SORCS1: variants seen among roughly 807,000 people sequenced by gnomAD.
SORCS1 encodes VPS10 domain-containing receptor SorCS1.
Under a neutral mutation model 146.1 loss-of-function variants are expected in SORCS1, and 60 were observed. The observed-to-expected ratio is 0.41, with a 90% CI of 0.33 to 0.51. The LOEUF is 0.51. SORCS1 is among the 20% of genes least tolerant of loss of function. The pLI is 0.21. For missense variants in SORCS1, 1,352 were observed against 1,487.6 expected (o/e 0.91, Z 1.50); for synonymous variants, 637 against 584.0 (o/e 1.09, Z -1.31).
chr10:106,964,473 TTTTATTTTA>T, intron 1 of SORCS1, among the ~76,000 whole-genome samples: 1 of 15,762 alleles, frequency 6.3e-5, no homozygotes, highest in South Asian at 1.4e-3. Context: ...CTGGCTAATA[TTTTATTTTA>T]TTTTATTTTA....
At chr10:106,774,845 C>A (rs952328968) in intron 4 of SORCS1, among the ~76,000 whole-genome samples, 69 of 152,308 alleles carry the variant, frequency 4.5e-4, no homozygotes, top group African/African-American at 1.6e-3. Context: ...CTGTATCATG[C>A]ATGGCACTTA....
chr10:106,655,400 A>T (rs1194503395), intron 17 of SORCS1, among the ~76,000 whole-genome samples: 1 of 152,030 alleles, frequency 6.6e-6, no homozygotes, highest in African/African-American at 2.4e-5. Context: ...GAGGCAAGGC[A>T]CTGTGCAAAC....
chr10:106,670,882 C>T (rs533397160), intron 16 of SORCS1, among the ~76,000 whole-genome samples: 55 of 151,878 alleles, frequency 3.6e-4, no homozygotes, highest in South Asian at 1.2e-3. Context: ...TTAGTAGGGA[C>T]GGGGTTTTAC....
At chr10:106,784,930 T>G (rs2136450877) in intron 3 of SORCS1, among the ~76,000 whole-genome samples, 1 of 152,290 alleles carries the variant, frequency 6.6e-6, no homozygotes, top group African/African-American at 2.4e-5. Context: ...AAGTGTCAAG[T>G]TGAAAGTCAG....
At chr10:106,579,608 T>C in intron 24 of SORCS1, 134 bp from the exon 25 acceptor site, 3 of 852,236 alleles carry the variant, frequency 3.5e-6, no homozygotes, top group Middle Eastern at 3.5e-4. Flanking sequence ...ACAAGATGCA[T>C]GTCACATGGC....
intron 2 of SORCS1, among the ~76,000 whole-genome samples, chr10:106,925,981 T>C (rs1217515269): frequency 6.6e-6 from 1 of 152,198 alleles, no homozygotes; most frequent in Non-Finnish European, 1.5e-5. Flanking sequence ...AGAAATTTGA[T>C]ATTTAAACAA....
At chr10:106,760,741 A>G (rs1052049694) in intron 5 of SORCS1, among the ~76,000 whole-genome samples, 13 of 151,568 alleles carry the variant, frequency 8.6e-5, no homozygotes, top group Admixed American at 3.9e-4. Context: ...ACACACGCAC[A>G]TTTGGCAATT....
At chr10:107,002,452 GGCCATTAGAT>G in intron 1 of SORCS1, among the ~76,000 whole-genome samples, 1 of 152,022 alleles carries the variant, frequency 6.6e-6, no homozygotes, top group Admixed American at 6.6e-5. Context: ...CACTCTTTTG[GGCCATTAGAT>G]GCCTTGTCTC....
At chr10:107,093,158 T>A (rs1159323943) in intron 1 of SORCS1, among the ~76,000 whole-genome samples, 1 of 152,192 alleles carries the variant, frequency 6.6e-6, no homozygotes, top group Non-Finnish European at 1.5e-5. Context: ...AGCCATGATT[T>A]TTTTTAACCA....
At position 106,768,356 on chromosome 10, in the gene SORCS1, G is replaced by A. The variant is rs546394126; in HGVS notation, c.886-6695C>T. Among the ~76,000 whole-genome samples, 7 of 152,304 alleles carry A rather than the reference G, an allele frequency of 4.6e-5. No individual in the cohort carries two copies. In the East Asian group the frequency reaches 1.2e-3, roughly 25 times the overall value. On this transcript the variant is annotated intron_variant, in intron 4 of 25. Coordinates refer to ENST00000263054, the MANE Select transcript of SORCS1 (RefSeq NM_052918.5). ...ACTGAGTGCCTTTTAACTTAATGCA[G>A]TGCCTTGGGGAAACATGATGGCATT...
At position 106,676,626 on chromosome 10, in the gene SORCS1, C is replaced by A. The variant is rs7100215; in HGVS notation, c.1832+687G>T. ...GCAATTTCTCTCTCATGGAGTAAAACTCTCCCTCTCTCTCTCTCTGTCTGT... is the reference window on the plus strand; with the variant it reads ...GCAATTTCTCTCTCATGGAGTAAAAATCTCCCTCTCTCTCTCTCTGTCTGT... On this transcript the variant is annotated intron_variant, in intron 13 of 25. Coordinates refer to ENST00000263054, the MANE Select transcript of SORCS1 (RefSeq NM_052918.5). Among the ~76,000 whole-genome samples, 941 of 152,138 alleles carry A rather than the reference C, an allele frequency of 6.2e-3. 13 individuals carry two copies. Among genetic ancestry groups the A allele is most frequent in the African/African-American group, 0.021 (890 of 41,520 alleles).
chr10:106,881,638 T>G (rs564060787), intron 2 of SORCS1, among the ~76,000 whole-genome samples: 1 of 152,294 alleles, frequency 6.6e-6, no homozygotes, highest in Admixed American at 6.5e-5. Flanking sequence ...CAACATGTAC[T>G]CATGAAGTAG....
intron 21 of SORCS1, among the ~76,000 whole-genome samples, chr10:106,616,494 G>C (rs1354958837): frequency 9.2e-5 from 14 of 152,142 alleles, no homozygotes; most frequent in Admixed American, 9.2e-4. Context: ...CACTAGGGTT[G>C]TTATGAAGAA....
intron 2 of SORCS1, among the ~76,000 whole-genome samples, chr10:106,890,045 G>C (rs1413469714): frequency 6.6e-6 from 1 of 152,042 alleles, no homozygotes; most frequent in Non-Finnish European, 1.5e-5. Context: ...ATTATCTGGG[G>C]TTTTTGTAAA....
chr10:106,997,543 A>C (rs1957048740), intron 1 of SORCS1, among the ~76,000 whole-genome samples: 1 of 152,196 alleles, frequency 6.6e-6, no homozygotes, highest in East Asian at 1.9e-4. Flanking sequence ...ACACTCATCC[A>C]CATAGAAGCC....
intron 2 of SORCS1, among the ~76,000 whole-genome samples, chr10:106,853,706 T>G (rs555729058): frequency 6.6e-6 from 1 of 152,240 alleles, no homozygotes; most frequent in East Asian, 1.9e-4. Context: ...GATTTTTTCT[T>G]TGATCGATGT....
chr10:106,741,367 G>A (rs1857348912), intron 5 of SORCS1, among the ~76,000 whole-genome samples: 1 of 152,172 alleles, frequency 6.6e-6, no homozygotes, highest in South Asian at 2.1e-4. Flanking sequence ...GAGAGGCTAA[G>A]GCAGGTGGAT....
chr10:106,710,877 C>A (rs943999520), intron 6 of SORCS1, among the ~76,000 whole-genome samples: 4 of 152,158 alleles, frequency 2.6e-5, no homozygotes, highest in African/African-American at 9.7e-5. Flanking sequence ...TTTGCATTCC[C>A]TCTGCCTAAA....
chr10:106,816,560 G>C (rs1947751169), intron 3 of SORCS1, among the ~76,000 whole-genome samples: 1 of 152,110 alleles, frequency 6.6e-6, no homozygotes, highest in Non-Finnish European at 1.5e-5. Flanking sequence ...GAGCTCTGCT[G>C]TTTTTTGAAG....
Sources: allele counts gnomAD v4.1 joint callset (sites outside exome capture counted in the v4.1 genomes callset), GRCh38; gene constraint gnomAD v4.1.1; transcripts MANE v1.5; gene names NCBI Gene and HGNC (gene_info 2026-07-23, HGNC 2026-07-21).